The following NRAP variants were observed in gnomAD, a reference collection of about 807,000 sequenced individuals.
The protein encoded by NRAP is nebulin-related-anchoring protein.
A neutral mutation model predicts 225.9 loss-of-function variants in NRAP; 189 were observed. The observed-to-expected ratio is 0.84, with a 90% CI of 0.74 to 0.94. The LOEUF (loss-of-function observed/expected upper bound fraction) is 0.94, where lower values mean the gene tolerates loss of function less well. NRAP is among the 40% of genes least tolerant of loss of function. NRAP has a pLI of 0.00. For missense variants in NRAP, 2,176 were observed against 2,168.7 expected (o/e 1.00, Z -0.07); for synonymous variants, 769 against 790.7 (o/e 0.97, Z 0.46).
intron 32 of NRAP, among the ~76,000 whole-genome samples, chr10:113,607,386 A>T (rs1208424073): frequency 8.3e-6 from 1 of 120,626 alleles, no homozygotes; most frequent in African/African-American, 3.1e-5. Flanking sequence ...TGGGTGAAAG[A>T]GCGAAACTCC....
chr10:113,651,229 T>C (rs1174857137), intron 7 of NRAP, among the ~76,000 whole-genome samples: 2 of 152,212 alleles, frequency 1.3e-5, no homozygotes, highest in Non-Finnish European at 2.9e-5. Flanking sequence ...AGGACTAAAA[T>C]GTCTCATACA....
rs778700582 is a variant in NRAP at position 113,617,448 on chromosome 10, C to T, written c.2973+7G>A. 3 of 1,479,718 alleles carry T rather than the reference C, an allele frequency of 2.0e-6. No homozygotes were observed. Among genetic ancestry groups the T allele is most frequent in the Admixed American group, 1.7e-5 (1 of 59,846 alleles). 91.7% of individuals were successfully genotyped at this position (1,479,718 alleles called of 1,614,324 possible). ...TAGAGTCATAATGTATATACATTAT[C>T]ACTTACATCCACTGCTTGGGTATAA... On this transcript the variant is annotated splice_region_variant and intron_variant, in intron 26 of 41. Transcript: ENST00000359988.
intron 16 of NRAP, among the ~76,000 whole-genome samples, chr10:113,632,839 G>A (rs780503842): frequency 4.6e-5 from 7 of 152,242 alleles, no homozygotes; most frequent in Non-Finnish European, 8.8e-5. Flanking sequence ...AGGGGGGTGT[G>A]TGTGTGTGTT....
At chr10:113,641,088 A>G (rs1006204386) in intron 13 of NRAP, among the ~76,000 whole-genome samples, 1 of 152,250 alleles carries the variant, frequency 6.6e-6, no homozygotes, top group Non-Finnish European at 1.5e-5. Flanking sequence ...TCAGAAATTG[A>G]AAGTGTTAAC....
At chr10:113,597,895 A>G in intron 36 of NRAP, 74 bp downstream of exon 36, 2 of 1,122,026 alleles carry the variant, frequency 1.8e-6, no homozygotes, top group Non-Finnish European at 2.7e-6. Context: ...TCTCCACTCC[A>G]TAAACAGATT....
chr10:113,603,351 C>A (rs1487878438), intron 35 of NRAP, among the ~76,000 whole-genome samples: 1 of 152,044 alleles, frequency 6.6e-6, no homozygotes, highest in Admixed American at 6.5e-5. Context: ...GGTGCCCCTG[C>A]TCAGGGAAGG....
At position 113,663,829 on chromosome 10, in the gene NRAP, C is replaced by G; in HGVS notation, c.54G>C (p.Lys18Asn). 6.2e-7 allele frequency: 1 copy of G among 1,613,578 alleles called. No homozygotes were observed. Among genetic ancestry groups the G allele is most frequent in the East Asian group, 2.2e-5 (1 of 44,888 alleles). Residue 18 changes from lysine to asparagine, a missense_variant, in exon 1 of 42, where the codon AAG (lysine) becomes AAC (asparagine). Around this residue, in one of 3 missense-constraint regions of NRAP, gnomAD observed 1,708 missense variants for 1,695.5 expected, o/e 1.01. Coordinates refer to ENST00000359988, the MANE Select transcript of NRAP (RefSeq NM_198060.4). ...RCGYGVYPAE[K>N]ISCIDQIWHK... ...TACTGACCTGATCTATACAGCTGAT[C>G]TTCTCGGCAGGATAAACCCCATACC...
At chr10:113,658,196 A>C (rs1850429793) in intron 3 of NRAP, among the ~76,000 whole-genome samples, 1 of 152,168 alleles carries the variant, frequency 6.6e-6, no homozygotes. Context: ...CTTGTGTTGG[A>C]GTCCACTGGT....
chr10:113,592,299 T>C lies in NRAP; in HGVS notation c.4539A>G (p.Lys1513=), dbSNP rs1846037908. ...TCTGCTCCCAGGAGTTTCTGTAGAC[T>C]TTCTAGATTGGAAAAACAAAAGCAT... ...ARLNALHLSD[K]VYRNSWEQTR... is the part of the protein sequence containing the mutation. The change falls in exon 39 of 42, where the codon AAA becomes AAG. Residue 1513 remains lysine (K), a splice_region_variant and synonymous_variant. Coordinates refer to ENST00000359988, the MANE Select transcript of NRAP (RefSeq NM_198060.4). 1 of 1,607,506 alleles carries C rather than the reference T, an allele frequency of 6.2e-7. No individual in the cohort carries two copies. Among genetic ancestry groups the C allele is most frequent in the Non-Finnish European group, 8.5e-7 (1 of 1,175,126 alleles).
At chr10:113,629,122 C>T (rs918273013) in intron 19 of NRAP, 101 bp from the exon 20 acceptor site, 7 of 845,348 alleles carry the variant, frequency 8.3e-6, no homozygotes, top group African/African-American at 3.3e-5. Context: ...ATTTGCCTTC[C>T]TAGAAGAACT....
chr10:113,624,809 A>C lies in NRAP; in HGVS notation c.2349+17T>G. 2.5e-6 allele frequency: 4 copies of C among 1,591,682 alleles called. No individual in the cohort carries two copies. The highest frequency in any genetic ancestry group is 1.3e-5 in the African/African-American group (1 of 74,554). The stretch of plus-strand genomic sequence containing the variant: ...AAGGGGAGCAGAGTTCTTGCTGCCC[A>C]CTCATTCTCTCTGTACCTCGCTGAG... On this transcript the variant is annotated intron_variant, in intron 22 of 41. Coordinates refer to ENST00000359988, the MANE Select transcript of NRAP (RefSeq NM_198060.4).
chr10:113,647,912 CCTT>C (rs906180193), intron 9 of NRAP, among the ~76,000 whole-genome samples: 56 of 152,316 alleles, frequency 3.7e-4, no homozygotes, highest in African/African-American at 1.3e-3. Context: ...GAAAGGAAAA[CCTT>C]CTCTTTCATG....
chr10:113,623,306 A>G (rs1848103517), intron 23 of NRAP, among the ~76,000 whole-genome samples: 1 of 152,228 alleles, frequency 6.6e-6, no homozygotes, highest in African/African-American at 2.4e-5. Flanking sequence ...ACTACAAATA[A>G]TAAGTCATCA....
intron 3 of NRAP, among the ~76,000 whole-genome samples, chr10:113,661,039 G>T (rs1288231739): frequency 1.3e-5 from 2 of 152,152 alleles, no homozygotes. Context: ...GTAAGAGCTA[G>T]ATTCAATATT....
At chr10:113,613,699 G>C (rs542578750) in intron 29 of NRAP, among the ~76,000 whole-genome samples, 4 of 152,310 alleles carry the variant, frequency 2.6e-5, no homozygotes, top group Admixed American at 6.5e-5. Context: ...AAGTGAAGAG[G>C]AGGGTGGCTG....
chr10:113,654,507 C>A (rs114653675), intron 4 of NRAP, among the ~76,000 whole-genome samples: 347 of 128,622 alleles, frequency 2.7e-3, no homozygotes, highest in African/African-American at 5.3e-3. Context: ...GCAATAAAAG[C>A]AAAAAAAAAA....
intron 38 of NRAP, among the ~76,000 whole-genome samples, chr10:113,593,608 T>C (rs1846117100): frequency 6.6e-6 from 1 of 152,166 alleles, no homozygotes; most frequent in Non-Finnish European, 1.5e-5. Context: ...AATGATTAGA[T>C]TTACTGGGTC....
intron 36 of NRAP, among the ~76,000 whole-genome samples, chr10:113,597,672 G>T (rs140795733): frequency 6.6e-6 from 1 of 152,238 alleles, no homozygotes; most frequent in African/African-American, 2.4e-5. Flanking sequence ...TCAGTAGATG[G>T]GTGGCAAATT....
At chr10:113,614,583 A>G (rs936399394) in intron 28 of NRAP, among the ~76,000 whole-genome samples, 2 of 151,986 alleles carry the variant, frequency 1.3e-5, no homozygotes, top group Non-Finnish European at 2.9e-5. Flanking sequence ...CTTTATGAAC[A>G]CCTCGGTGGA....
Sources: allele counts gnomAD v4.1 joint callset (sites outside exome capture counted in the v4.1 genomes callset), GRCh38; gene constraint gnomAD v4.1.1; regional missense constraint gnomAD v4.1.1; transcripts MANE v1.5; gene names NCBI Gene and HGNC (gene_info 2026-07-23, HGNC 2026-07-21).